Variants in UPF3B observed in about 807,000 individuals in gnomAD.
UPF3B encodes regulator of nonsense transcripts 3B.
UPF3B carries 7 observed loss-of-function variants against 40.3 expected under a neutral mutation model. The ratio of observed to expected loss-of-function variants is 0.17; its 90% confidence interval spans 0.10 to 0.33. UPF3B has a LOEUF of 0.33. Among genes scored for constraint, UPF3B ranks in the 10% least tolerant of loss-of-function variants. The probability of loss-of-function intolerance (pLI) is 1.00; values close to 1 mark genes in which losing one functional copy is unlikely to be tolerated. For missense variants in UPF3B, 229 were observed against 358.9 expected, an observed-to-expected ratio of 0.64 and a Z score of 2.93; for synonymous variants, 117 against 117.3, an observed-to-expected ratio of 1.00 and a Z score of 0.01.
intron 3 of UPF3B, among the ~76,000 whole-genome samples, chrX:119,850,991 C>T (rs887147274): frequency 1.8e-5 from 2 of 112,023 alleles, no homozygotes; most frequent in Non-Finnish European, 3.8e-5. Context: ...CCACCTGCCT[C>T]GGCATCCCAA....
intron 5 of UPF3B, among the ~76,000 whole-genome samples, chrX:119,809,287 T>C (rs1185003488): frequency 9.0e-6 from 1 of 111,717 alleles, no homozygotes. Flanking sequence ...ACCAACTTCC[T>C]CCCTTGACAC....
chrX:119,842,635 G>A (rs866032227), intron 5 of UPF3B, among the ~76,000 whole-genome samples: 1 of 74,696 alleles, frequency 1.3e-5, no homozygotes. Context: ...CACACAGAGA[G>A]AGAGCGAGCG....
chrX:119,825,996 T>TA (rs940265406), intron 3 of UPF3B, among the ~76,000 whole-genome samples: 7 of 110,153 alleles, frequency 6.4e-5, no homozygotes, highest in African/African-American at 2.0e-4. Context: ...CATTCTCTAC[T>TA]AAAAAAATAC....
At chrX:119,807,043 A>G (rs1043926567) in intron 6 of UPF3B, among the ~76,000 whole-genome samples, 31 of 97,028 alleles carry the variant, frequency 3.2e-4, no homozygotes, top group Non-Finnish European at 5.7e-4. Context: ...AAAAAAAAAA[A>G]AAAAAAAAGA....
downstream of UPF3B, among the ~76,000 whole-genome samples, chrX:119,832,448 G>A (rs1451551512): frequency 4.5e-5 from 5 of 111,377 alleles, no homozygotes; most frequent in East Asian, 1.4e-3. Flanking sequence ...TAGTAGAGAC[G>A]GGTTTTTGCC....
chrX:119,812,272 C>A lies in UPF3B; in HGVS notation c.602+2928G>T, dbSNP rs184995324. Among the ~76,000 whole-genome samples the A allele has an allele frequency of 6.4e-3, 706 of 109,608 alleles. 8 individuals are homozygous for A. Among genetic ancestry groups the A allele is most frequent in the African/African-American group, 0.023 (674 of 29,936 alleles). Reference sequence around the variant, plus strand: ...TGTCTTAAAAAAAAAAGAAAAAAATCCACCTAGGAACTAATTGCAAGCCAT... The same window carrying A: ...TGTCTTAAAAAAAAAAGAAAAAAATACACCTAGGAACTAATTGCAAGCCAT... On this transcript the variant is annotated intron_variant, in intron 5 of 6. Coordinates refer to the UPF3B transcript ENST00000636792.
At chrX:119,819,907 C>T (rs1451109747) in intron 4 of UPF3B, among the ~76,000 whole-genome samples, 5 of 91,330 alleles carry the variant, frequency 5.5e-5, no homozygotes, top group African/African-American at 8.5e-5. Flanking sequence ...TGCAGTGGCA[C>T]GACCTTGGCT....
At chrX:119,831,688 G>C (rs2056038896), downstream of UPF3B, 2 of 752,124 alleles carry the variant, frequency 2.7e-6, no homozygotes, top group African/African-American at 2.3e-5. Flanking sequence ...TATAGTTGGT[G>C]CTGTCATCAG....
downstream of UPF3B, among the ~76,000 whole-genome samples, chrX:119,829,411 T>C (rs748821835): frequency 1.1e-3 from 123 of 112,252 alleles, 1 homozygote; most frequent in Non-Finnish European, 2.0e-3. Context: ...TGAAGTTCCC[T>C]TGTACTTCTC....
chrX:119,838,649 T>C (rs1279470925), intron 8 of UPF3B, 122 bp from the exon 9 acceptor site: 6 of 688,020 alleles, frequency 8.7e-6, no homozygotes, highest in Non-Finnish European at 1.3e-5. Flanking sequence ...GCAGGTACAC[T>C]TAATCTTTCA....
intron 5 of UPF3B, among the ~76,000 whole-genome samples, chrX:119,813,736 G>A (rs1374545044): frequency 8.3e-5 from 9 of 108,806 alleles, no homozygotes; most frequent in Non-Finnish European, 1.7e-4. Flanking sequence ...TAATTTTTTT[G>A]TATTTTTAGT....
chrX:119,839,221 T>A (rs1021839681), intron 8 of UPF3B, among the ~76,000 whole-genome samples: 4 of 112,365 alleles, frequency 3.6e-5, no homozygotes, highest in Non-Finnish European at 7.5e-5. Flanking sequence ...CTGTTGGGAC[T>A]GTTTTTATGT....
intron 6 of UPF3B, chrX:119,805,496 TTAAAC>T (rs1271271433): frequency 8.9e-6 from 1 of 111,848 alleles, no homozygotes; most frequent in Non-Finnish European, 1.9e-5. Flanking sequence ...TGGGATCTAA[TTAAAC>T]TAAAGAGCTT....
chrX:119,830,916 A>G (rs1444324717), downstream of UPF3B, among the ~76,000 whole-genome samples: 1 of 111,223 alleles, frequency 9.0e-6, no homozygotes, highest in Non-Finnish European at 1.9e-5. Flanking sequence ...AAGACACTCT[A>G]CTCCACCCAA....
intron 8 of UPF3B, among the ~76,000 whole-genome samples, chrX:119,840,232 A>G (rs1413121649): frequency 1.8e-5 from 2 of 111,927 alleles, no homozygotes; most frequent in African/African-American, 6.5e-5. Flanking sequence ...AATGCAATGC[A>G]TGAATCCGAA....
At chrX:119,829,769 C>A (rs887962046), downstream of UPF3B, among the ~76,000 whole-genome samples, 2 of 111,830 alleles carry the variant, frequency 1.8e-5, no homozygotes, top group Non-Finnish European at 3.8e-5. Context: ...AATCCATGGT[C>A]ATGACTTCAA....
intron 3 of UPF3B, among the ~76,000 whole-genome samples, chrX:119,846,472 A>T (rs2056233730): frequency 9.5e-6 from 1 of 105,377 alleles, no homozygotes; most frequent in Non-Finnish European, 2.0e-5. Context: ...AGGTTGCAGT[A>T]AGCTGAGATT....
chrX:119,836,629 C>T (rs930461933), intron 10 of UPF3B, among the ~76,000 whole-genome samples: 1 of 106,840 alleles, frequency 9.4e-6, no homozygotes, highest in Middle Eastern at 4.3e-3. Context: ...GGGTACAGTA[C>T]ATGGAGTTCA....
rs749030222 is a variant in UPF3B at position 119,852,849 on chromosome X, C to A, written c.80G>T (p.Gly27Val). The change falls in exon 1 of 11, where the codon GGT (glycine) becomes GTT (valine). Residue 27 changes from glycine to valine, a missense_variant. By Grantham distance (109) the Gly-to-Val change is moderately radical. Transcript: ENST00000276201. ...CTTGGAGCTGTCCCCCGAGGTCCCA[C>A]CACCGCTGCCTGTGGCCCCGGCGGG... The part of the protein sequence containing the change: ...LTPAGATGSG[G>V]GTSGDSSKGE... 1 of 1,212,464 alleles carries A rather than the reference C, an allele frequency of 8.2e-7. No individual in the cohort carries two copies. Among genetic ancestry groups the A allele is most frequent in the Non-Finnish European group, 1.1e-6 (1 of 895,664 alleles).
Sources: allele counts gnomAD v4.1 joint callset (sites outside exome capture counted in the v4.1 genomes callset), GRCh38; gene constraint gnomAD v4.1.1; transcripts MANE v1.5; gene names NCBI Gene and HGNC (gene_info 2026-07-23, HGNC 2026-07-21).